SLC24A2: variants seen among roughly 807,000 people sequenced by gnomAD.
SLC24A2 encodes sodium/potassium/calcium exchanger 2.
Under a neutral mutation model 62.0 loss-of-function variants are expected in SLC24A2, and 36 were observed. The ratio of observed to expected loss-of-function variants is 0.58; its 90% CI spans 0.44 to 0.77. The LOEUF is 0.77. SLC24A2 is among the 30% of genes least tolerant of loss of function. SLC24A2 has a pLI of 0.00. For synonymous variants in SLC24A2, 358 were observed against 294.0 expected, an observed-to-expected ratio of 1.22 and a Z score of -2.23; for missense variants, 846 against 817.9, an observed-to-expected ratio of 1.03 and a Z score of -0.42.
chr9:19,754,804 C>T (rs557622427), intron 2 of SLC24A2, among the ~76,000 whole-genome samples: 120 of 152,136 alleles, frequency 7.9e-4, no homozygotes, highest in African/African-American at 2.6e-3. Context: ...GGCAGCATCC[C>T]GATTCCTCTC....
chr9:19,913,828 T>C, the SLC24A2 span, among the ~76,000 whole-genome samples: 7 of 152,114 alleles, frequency 4.6e-5, no homozygotes, highest in Admixed American at 2.6e-4. Context: ...TCCTTGCATT[T>C]ACTTGAGTGT....
chr9:19,764,144 G>A (rs951967772), intron 2 of SLC24A2, among the ~76,000 whole-genome samples: 2 of 152,114 alleles, frequency 1.3e-5, no homozygotes, highest in Non-Finnish European at 2.9e-5. Flanking sequence ...TATTTCTGTG[G>A]CATCAGTGGT....
the SLC24A2 span, among the ~76,000 whole-genome samples, chr9:20,215,605 C>T: frequency 2.0e-5 from 3 of 152,176 alleles, no homozygotes; most frequent in African/African-American, 7.2e-5. Flanking sequence ...TTCTTATATA[C>T]ACTTACCAAT....
chr9:20,065,910 T>C, the SLC24A2 span, among the ~76,000 whole-genome samples: 1 of 152,196 alleles, frequency 6.6e-6, no homozygotes, highest in Non-Finnish European at 1.5e-5. Context: ...GGGAATTCTT[T>C]TCTCCCCAAG....
chr9:19,801,809 G>A, the SLC24A2 span, among the ~76,000 whole-genome samples: 1 of 152,108 alleles, frequency 6.6e-6, no homozygotes, highest in African/African-American at 2.4e-5. Context: ...AGCTAGTGCT[G>A]TCTCTCAGTA....
the SLC24A2 span, among the ~76,000 whole-genome samples, chr9:20,276,441 C>A: frequency 6.6e-6 from 1 of 152,248 alleles, no homozygotes; most frequent in Non-Finnish European, 1.5e-5. Flanking sequence ...TTGGGCAGCT[C>A]TGCCCCTGTG....
chr9:19,982,689 G>T, the SLC24A2 span, among the ~76,000 whole-genome samples: 2 of 152,018 alleles, frequency 1.3e-5, no homozygotes, highest in East Asian at 1.9e-4. Flanking sequence ...ATTCTATAAG[G>T]CTGTATTACC....
rs747535145 is a variant in SLC24A2, at chr9:19,786,357, G to A, written c.510C>T (p.Ile170=). 1.2e-6 allele frequency: 2 copies of A among 1,614,202 alleles called. No individual in the cohort carries two copies. Among genetic ancestry groups the A allele is most frequent in the African/African-American group, 1.3e-5 (1 of 75,050 alleles). ...SLTVITEKLG[I]SDDVAGATFM... ...AGGTGGCTCCAGCCACATCATCAGA[G>A]ATGCCCAGTTTTTCAGTGATGACAG... The change falls in exon 2 of 11, where the codon ATC becomes ATT. Residue 170 remains isoleucine (I), a synonymous_variant. Coordinates refer to ENST00000341998, the MANE Select transcript of SLC24A2 (RefSeq NM_020344.4). The surrounding 1 kb of genome is among the most constrained non-coding windows in gnomAD (Gnocchi z 5.0).
At chr9:19,904,407 C>T in the SLC24A2 span, among the ~76,000 whole-genome samples, 32 of 152,050 alleles carry the variant, frequency 2.1e-4, 1 homozygote, top group South Asian at 2.1e-4. Context: ...ATGTGAAGAC[C>T]AAGAATTATA....
the SLC24A2 span, among the ~76,000 whole-genome samples, chr9:20,063,347 G>A: frequency 0.45 from 67,241 of 147,890 alleles, 16,323 homozygotes; most frequent in East Asian, 0.7. Flanking sequence ...TTGTAGGGAC[G>A]TGGATGAAAT....
intron 2 of SLC24A2, among the ~76,000 whole-genome samples, chr9:19,724,789 T>C (rs1821122652): frequency 6.6e-6 from 1 of 152,182 alleles, no homozygotes; most frequent in African/African-American, 2.4e-5. Flanking sequence ...TGCACAAATT[T>C]TGACATATTT....
the SLC24A2 span, among the ~76,000 whole-genome samples, chr9:20,152,664 C>T: frequency 6.6e-6 from 1 of 151,846 alleles, no homozygotes; most frequent in African/African-American, 2.4e-5. Flanking sequence ...AAAAGGACAG[C>T]TGTGTCCAGT....
chr9:19,962,825 C>G, the SLC24A2 span, among the ~76,000 whole-genome samples: 1 of 152,118 alleles, frequency 6.6e-6, no homozygotes, highest in Admixed American at 6.5e-5. Context: ...TTGACTTCCT[C>G]TTTTCCTAAT....
the SLC24A2 span, among the ~76,000 whole-genome samples, chr9:20,107,964 A>T: frequency 1.3e-5 from 2 of 152,246 alleles, no homozygotes; most frequent in Non-Finnish European, 2.9e-5. Flanking sequence ...AGTTCACTGT[A>T]GATCCAGAAT....
At chr9:19,778,507 T>G (rs1045504024) in intron 2 of SLC24A2, among the ~76,000 whole-genome samples, 2 of 152,172 alleles carry the variant, frequency 1.3e-5, no homozygotes, top group Non-Finnish European at 2.9e-5. Flanking sequence ...GATGTGTCTA[T>G]TTGAGTCTTG....
chr9:19,814,421 A>C, the SLC24A2 span, among the ~76,000 whole-genome samples: 5 of 152,334 alleles, frequency 3.3e-5, no homozygotes, highest in African/African-American at 1.2e-4. Context: ...ACGAGAGCTC[A>C]TAAAACAATA....
the SLC24A2 span, among the ~76,000 whole-genome samples, chr9:19,858,365 T>G: frequency 1.1e-4 from 17 of 152,262 alleles, no homozygotes; most frequent in South Asian, 3.5e-3. Context: ...CAAGAAAGAT[T>G]AAAGACCTAA....
chr9:20,151,894 A>T, the SLC24A2 span, among the ~76,000 whole-genome samples: 2 of 151,314 alleles, frequency 1.3e-5, no homozygotes, highest in African/African-American at 2.4e-5. Flanking sequence ...AATCAAAAGA[A>T]CTCATTCCTT....
chr9:20,186,706 GA>G, the SLC24A2 span, among the ~76,000 whole-genome samples: 3 of 151,920 alleles, frequency 2.0e-5, no homozygotes, highest in Non-Finnish European at 4.4e-5. Flanking sequence ...AAAAAAAGAG[GA>G]AAAATAATGC....
Sources: gnomAD v4.1 joint callset for allele counts (sites outside exome capture counted in the v4.1 genomes callset) on GRCh38, gnomAD v4.1.1 for gene constraint, Gnocchi (gnomAD v3.1) non-coding constraint, MANE v1.5 for transcripts, NCBI Gene and HGNC (gene_info 2026-07-23, HGNC 2026-07-21) for gene names.